GAB2: variants seen among roughly 807,000 people sequenced by gnomAD.
GAB2 encodes GRB2-associated-binding protein 2.
In GAB2, 26 loss-of-function variants were observed where a neutral mutation model predicts 65.5. The ratio of observed to expected loss-of-function variants is 0.40; its 90% CI spans 0.29 to 0.55. The LOEUF (loss-of-function observed/expected upper bound fraction) is 0.55, where lower values mean the gene tolerates loss of function less well. Ranked by LOEUF, GAB2 falls within the 20% of genes least tolerant of loss-of-function variation. The pLI, the probability that GAB2 is intolerant of heterozygous loss-of-function variation, is 0.53. For missense variants in GAB2, 884 were observed against 875.8 expected (o/e 1.01, Z -0.12); for synonymous variants, 321 against 329.6 (o/e 0.97, Z 0.28).
At chr11:78,357,719 C>G (rs10899484) in intron 1 of GAB2, among the ~76,000 whole-genome samples, 40,519 of 151,978 alleles carry the variant, frequency 0.27, 6,344 homozygotes, top group African/African-American at 0.42. Flanking sequence ...ACTGGCCAGA[C>G]AAATGCAAAT....
At chr11:78,246,280 AC>A (rs1173625351) in intron 3 of GAB2, among the ~76,000 whole-genome samples, 1 of 152,070 alleles carries the variant, frequency 6.6e-6, no homozygotes, top group Non-Finnish European at 1.5e-5. Context: ...TTCCTTTATT[AC>A]ATGGAATGTT....
At chr11:78,399,528 G>A (rs1394724037) in intron 1 of GAB2, among the ~76,000 whole-genome samples, 3 of 152,198 alleles carry the variant, frequency 2.0e-5, no homozygotes, top group African/African-American at 4.8e-5. Context: ...ACAAATCCCT[G>A]TGTGGTTTAA....
intron 1 of GAB2, among the ~76,000 whole-genome samples, chr11:78,352,675 C>T (rs1162362280): frequency 1.3e-5 from 2 of 152,114 alleles, no homozygotes; most frequent in East Asian, 1.9e-4. Flanking sequence ...TCCCATTCCT[C>T]ATTGATGGGA....
At chr11:78,382,440 G>A (rs926749394) in intron 1 of GAB2, among the ~76,000 whole-genome samples, 4 of 151,094 alleles carry the variant, frequency 2.6e-5, no homozygotes, top group African/African-American at 4.9e-5. Flanking sequence ...GTGCAGTGGC[G>A]GGATCTCGGC....
At chr11:78,378,612 A>G (rs942022336) in intron 1 of GAB2, among the ~76,000 whole-genome samples, 1 of 152,162 alleles carries the variant, frequency 6.6e-6, no homozygotes, top group Non-Finnish European at 1.5e-5. Context: ...ACTTCTTTGT[A>G]AGCCTAGGAT....
intron 2 of GAB2, among the ~76,000 whole-genome samples, chr11:78,267,458 G>T (rs941143271): frequency 2.6e-5 from 4 of 152,018 alleles, no homozygotes; most frequent in Admixed American, 6.6e-5. Context: ...TTTTAGAAAT[G>T]GACACATGGG....
At chr11:78,327,154 A>G (rs1591041154) in intron 1 of GAB2, among the ~76,000 whole-genome samples, 2 of 152,234 alleles carry the variant, frequency 1.3e-5, no homozygotes, top group Non-Finnish European at 2.9e-5. Context: ...TGGGAACTCA[A>G]TAAATCGGTA....
chr11:78,280,587 G>C lies in GAB2; in HGVS notation c.376+14C>G, dbSNP rs756453711. 1.9e-6 allele frequency: 3 copies of C among 1,603,500 alleles called. No individual in the cohort carries two copies. The South Asian group carries it at 3.3e-5, about 18-fold the overall frequency. Reference sequence around the variant, plus strand: ...TCAACCCCCTATGAGAAAGATCTGTGTGCGTTCTCATACCTGTGCTCTCCT... The same window carrying C: ...TCAACCCCCTATGAGAAAGATCTGTCTGCGTTCTCATACCTGTGCTCTCCT... On this transcript the variant is annotated intron_variant, in intron 2 of 9. Coordinates refer to ENST00000361507, the MANE Select transcript of GAB2 (RefSeq NM_080491.3).
intron 4 of GAB2, among the ~76,000 whole-genome samples, chr11:78,225,546 A>C (rs530453610): frequency 6.6e-5 from 10 of 152,248 alleles, no homozygotes; most frequent in African/African-American, 2.4e-4. Flanking sequence ...CCTGATTTAT[A>C]TGTGTTGGTT....
intron 1 of GAB2, among the ~76,000 whole-genome samples, chr11:78,368,538 TACAA>T (rs1370908279): frequency 6.6e-6 from 1 of 152,064 alleles, no homozygotes; most frequent in Non-Finnish European, 1.5e-5. Context: ...ATAGTCACAA[TACAA>T]ACAAATGTTT....
At chr11:78,391,532 A>T (rs917020248) in intron 1 of GAB2, among the ~76,000 whole-genome samples, 1 of 152,194 alleles carries the variant, frequency 6.6e-6, no homozygotes, top group African/African-American at 2.4e-5. Context: ...GCCCTTAAGC[A>T]CCATGTAAGC....
intron 1 of GAB2, among the ~76,000 whole-genome samples, chr11:78,309,752 G>C (rs2134640615): frequency 6.6e-6 from 1 of 152,096 alleles, no homozygotes; most frequent in East Asian, 1.9e-4. Context: ...GAGAGCTCTG[G>C]GGAAACAGAA....
chr11:78,356,682 A>T (rs1031354728), intron 1 of GAB2, among the ~76,000 whole-genome samples: 1 of 152,248 alleles, frequency 6.6e-6, no homozygotes, highest in African/African-American at 2.4e-5. Context: ...TTTGAAAATG[A>T]GTCATGCTGT....
At chr11:78,263,628 G>A (rs950354324) in intron 2 of GAB2, among the ~76,000 whole-genome samples, 3 of 130,944 alleles carry the variant, frequency 2.3e-5, no homozygotes, top group Admixed American at 7.9e-5. Context: ...GTGAGACTCT[G>A]TCTGGGGGAA....
At chr11:78,324,010 C>CT (rs2134667175) in intron 1 of GAB2, among the ~76,000 whole-genome samples, 1 of 152,008 alleles carries the variant, frequency 6.6e-6, no homozygotes, top group African/African-American at 2.4e-5. Flanking sequence ...GTGGGCCAGG[C>CT]TGGTCTCAAA....
chr11:78,248,142 TGAGA>T (rs140445157), intron 3 of GAB2, among the ~76,000 whole-genome samples: 30 of 151,366 alleles, frequency 2.0e-4, no homozygotes, highest in Non-Finnish European at 3.4e-4. Flanking sequence ...CCAAATGTTG[TGAGA>T]GAGAGAGAGA....
chr11:78,252,572 C>A (rs1001086176), intron 2 of GAB2, among the ~76,000 whole-genome samples: 6 of 152,162 alleles, frequency 3.9e-5, no homozygotes, highest in Non-Finnish European at 8.8e-5. Context: ...CCTGCCCCTT[C>A]AGTGGAGGCA....
chr11:78,341,860 C>T (rs1856102315), intron 1 of GAB2: 1 of 985,898 alleles, frequency 1.0e-6, no homozygotes, highest in Non-Finnish European at 1.2e-6. Flanking sequence ...TCTTCTTCAT[C>T]CCACCACTTC....
At chr11:78,292,003 GGTGTGTGTGT>G (rs71877307) in intron 1 of GAB2, among the ~76,000 whole-genome samples, 1 of 147,794 alleles carries the variant, frequency 6.8e-6, no homozygotes, top group South Asian at 2.2e-4. Flanking sequence ...GGTGTGTAGG[GGTGTGTGTGT>G]GTGTGTGTGT....
Sources: gnomAD v4.1 joint callset for allele counts (sites outside exome capture counted in the v4.1 genomes callset) on GRCh38, gnomAD v4.1.1 for gene constraint, MANE v1.5 for transcripts, NCBI Gene and HGNC (gene_info 2026-07-23, HGNC 2026-07-21) for gene names.